MMP21: variants seen among roughly 807,000 people sequenced by gnomAD.
MMP21 encodes matrix metalloproteinase-21.
In MMP21, 40 loss-of-function variants were observed where a neutral mutation model predicts 47.8. The ratio of observed to expected loss-of-function variants is 0.84; its 90% confidence interval spans 0.65 to 1.09. The LOEUF is 1.09. Ranked by LOEUF, MMP21 falls within the 50% of genes least tolerant of loss-of-function variation. The pLI, the probability that MMP21 is intolerant of heterozygous loss-of-function variation, is 0.00. For missense variants in MMP21, 747 were observed against 775.3 expected (o/e 0.96, Z 0.43); for synonymous variants, 341 against 318.0 (o/e 1.07, Z -0.77).
Position 125,774,364 on chromosome 10 carries a change from C to A in MMP21, c.164G>T (p.Arg55Leu). Residue 55 changes from arginine to leucine, a missense_variant and splice_region_variant, in exon 2 of 7, where the codon CGG becomes CTG. By Grantham distance (102) the Arg-to-Leu change is moderately radical (BLOSUM62 -2). Coordinates refer to ENST00000368808, the MANE Select transcript of MMP21 (RefSeq NM_147191.1). ...TGACCAGCCGTATCTGGACAGGAAC[C>A]GCTGTGGGAGAGAAAGGCACCCTAA... Reference protein sequence around the residue: ...KPIADLHAAQRFLSRYGWSGV... With the variant: ...KPIADLHAAQLFLSRYGWSGV... 7.4e-7 allele frequency: 1 copy of A among 1,354,130 alleles called. No individual in the cohort carries two copies. Among genetic ancestry groups the A allele is most frequent in the South Asian group, 1.8e-5 (1 of 56,828 alleles). 83.9% of individuals were successfully genotyped at this position (1,354,130 alleles called of 1,614,324 possible). A position where few individuals can be genotyped will look rare whatever the true frequency, so the allele number is the denominator to read the frequency against.
At position 125,772,988 on chromosome 10, in the gene MMP21, G is replaced by C. The variant is rs1850470381; in HGVS notation, c.698-238C>G. On this transcript the variant is annotated intron_variant, in intron 2 of 6. Coordinates refer to ENST00000368808, the MANE Select transcript of MMP21 (RefSeq NM_147191.1). This position sits in a 1 kb window ranked among gnomAD's most constrained non-coding sequence, Gnocchi z 5.6. ...AAGTGCCTGGGAGCAGAGGGGAGCG[G>C]GGCTGGGTGAGAGCCCGGCTGGGGG... 6.6e-6 allele frequency among the ~76,000 whole-genome samples: 1 copy of C among 152,220 alleles called. No homozygotes were observed. Among genetic ancestry groups the C allele is most frequent in the African/African-American group, 2.4e-5 (1 of 41,458 alleles).
At chr10:125,771,141 C>T (rs1348524632) in intron 4 of MMP21, among the ~76,000 whole-genome samples, 1 of 152,126 alleles carries the variant, frequency 6.6e-6, no homozygotes, top group African/African-American at 2.4e-5. Flanking sequence ...TCACAGTGCC[C>T]CAGGCCACTC....
intron 5 of MMP21, 126 bp downstream of exon 5, chr10:125,770,208 G>C: frequency 2.0e-6 from 2 of 1,012,030 alleles, no homozygotes; most frequent in Non-Finnish European, 2.9e-6. Flanking sequence ...GTCTGATGGA[G>C]CAGACAGAAA....
intron 5 of MMP21, among the ~76,000 whole-genome samples, chr10:125,768,158 C>A (rs1157473895): frequency 6.6e-6 from 1 of 152,144 alleles, no homozygotes; most frequent in African/African-American, 2.4e-5. Flanking sequence ...AATCTAAGTT[C>A]TTTTTTTACT....
rs1213292242 is a variant in MMP21, at chr10:125,766,488, G to C, written c.*174C>G. The C allele has an allele frequency of 1.8e-6, 1 of 544,922 alleles. No individual in the cohort carries two copies. Among genetic ancestry groups the C allele is most frequent in the Non-Finnish European group, 3.1e-6 (1 of 321,598 alleles). The allele number at this position is 544,922 out of a possible 1,614,324, so 33.8% of individuals were successfully genotyped here. On this transcript the variant is annotated 3_prime_UTR_variant, in exon 7 of 7. Coordinates refer to ENST00000368808, the MANE Select transcript of MMP21 (RefSeq NM_147191.1). ...CCTTTTAGTTTATGAATTATGTTTT[G>C]CCTGAGCAATTGTTTTTAAATCAAG...
In MMP21 at chr10:125,770,492, C is replaced by T. The variant is rs17153524; in HGVS notation, c.1079G>A (p.Arg360His). ...TTCATAAAGCCAGTACCAGCTGTTA[C>T]GGAAGAAATATGTGCTAAATCTCAC... ...VMVRFSTYFF[R>H]NSWYWLYENR... Residue 360 changes from arginine (R) to histidine (H), a missense_variant, in exon 5 of 7, where the codon CGT becomes CAT. Transcript: ENST00000368808. 4.6e-5 allele frequency: 74 copies of T among 1,613,990 alleles called. No homozygotes were observed. Among genetic ancestry groups the T allele is most frequent in the Non-Finnish European group, 5.0e-5 (59 of 1,180,040 alleles).
At position 125,773,628 on chromosome 10, in the gene MMP21, C is replaced by T. The variant is rs1850477797; in HGVS notation, c.697+203G>A. ...GGGCCGGCCCTAGTGTCCCAGTAGG[C>T]CACACCAGGCTATCTGCAGGGTGAC... On this transcript the variant is annotated intron_variant, in intron 2 of 6. Coordinates refer to ENST00000368808, the MANE Select transcript of MMP21 (RefSeq NM_147191.1). This position sits in a 1 kb window ranked among gnomAD's most constrained non-coding sequence, Gnocchi z 4.8. Among the ~76,000 whole-genome samples the T allele has an allele frequency of 6.6e-6, 1 of 151,968 alleles. No individual in the cohort carries two copies. Among genetic ancestry groups the T allele is most frequent in the African/African-American group, 2.4e-5 (1 of 41,390 alleles).
chr10:125,770,233 A>T (rs1056083921), intron 5 of MMP21, 101 bp downstream of exon 5: 3 of 1,219,148 alleles, frequency 2.5e-6, no homozygotes, highest in Non-Finnish European at 3.5e-6. Flanking sequence ...GCAAGTAATG[A>T]CAAGAGCATT....
chr10:125,772,244 T>TC lies in MMP21; in HGVS notation c.952dup (p.Asp318GlyfsTer13). ...ATACAGCTTTTGAATTGCTTTCCTG[T>TC]CTGACCAGTCCAACTCAAAGGCAGG... On this transcript the variant is annotated frameshift_variant, in exon 4 of 7. Transcript: ENST00000368808. LOFTEE classifies it high-confidence loss of function. This position sits in a 1 kb window ranked among gnomAD's most constrained non-coding sequence, Gnocchi z 5.6. 6.2e-7 allele frequency: 1 copy of TC among 1,614,180 alleles called. No individual in the cohort carries two copies. The highest frequency in any genetic ancestry group is 8.5e-7 in the Non-Finnish European group (1 of 1,180,022).
chr10:125,770,644 T>G (rs1343960354), intron 4 of MMP21, 53 bp from the exon 5 acceptor site: 99 of 1,582,086 alleles, frequency 6.3e-5, no homozygotes, highest in Non-Finnish European at 8.1e-5. Flanking sequence ...GTGCAAAACT[T>G]ATATTTTCAT....
chr10:125,772,599 A>G lies in MMP21; in HGVS notation c.837+12T>C. On this transcript the variant is annotated intron_variant, in intron 3 of 6. Coordinates refer to ENST00000368808, the MANE Select transcript of MMP21 (RefSeq NM_147191.1). This position sits in a 1 kb window ranked among gnomAD's most constrained non-coding sequence, Gnocchi z 5.6. ...TGGTGTCTTATCAACACAGTGGCTC[A>G]GGACCACTGACCTTGAGAAGGCTGA... is the stretch of plus-strand genomic sequence containing the variant. The G allele has an allele frequency of 1.2e-6, 2 of 1,614,242 alleles. No individual in the cohort carries two copies. The highest frequency in any genetic ancestry group is 1.3e-5 in the African/African-American group (1 of 75,068).
rs1037041423 is a variant in MMP21, at chr10:125,772,528, C to T, written c.837+83G>A. On this transcript the variant is annotated intron_variant, in intron 3 of 6. Transcript: ENST00000368808. The surrounding 1 kb of genome is among the most constrained non-coding windows in gnomAD (Gnocchi z 5.6). ...ACCTCCTCAGAGGTTGCGGACACTACATGAGAAAAGCTTGGACTTTTTGGA... is the reference window on the plus strand; with the variant it reads ...ACCTCCTCAGAGGTTGCGGACACTATATGAGAAAAGCTTGGACTTTTTGGA... 6.2e-7 allele frequency: 1 copy of T among 1,601,640 alleles called. No individual in the cohort carries two copies. Among genetic ancestry groups the T allele is most frequent in the African/African-American group, 1.3e-5 (1 of 74,696 alleles).
At position 125,773,072 on chromosome 10, in the gene MMP21, T is replaced by C. The variant is rs1850472082; in HGVS notation, c.698-322A>G. Among the ~76,000 whole-genome samples, 1 of 152,208 alleles carries C rather than the reference T, an allele frequency of 6.6e-6. No homozygotes were observed. Among genetic ancestry groups the C allele is most frequent in the African/African-American group, 2.4e-5 (1 of 41,464 alleles). On this transcript the variant is annotated intron_variant, in intron 2 of 6. Transcript: ENST00000368808. This position sits in a 1 kb window ranked among gnomAD's most constrained non-coding sequence, Gnocchi z 4.8. ...AAGATCGGGGCCGGATCCTCGCCTC[T>C]GCGGAGGTCGTGAAATATTGAAAGC... is the stretch of plus-strand genomic sequence containing the variant.
intron 5 of MMP21, 34 bp downstream of exon 5, chr10:125,770,300 G>A (rs2133781926): frequency 1.9e-6 from 3 of 1,608,396 alleles, no homozygotes; most frequent in Non-Finnish European, 2.6e-6. Context: ...TTCGTTTAAT[G>A]AGAGAAATAG....
chr10:125,770,743 A>G (rs767267621), intron 4 of MMP21, 152 bp from the exon 5 acceptor site: 1 of 831,006 alleles, frequency 1.2e-6, no homozygotes, highest in Non-Finnish European at 1.8e-6. Context: ...AAGTGGGGCC[A>G]GGTGCAGTGG....
Position 125,767,609 on chromosome 10 carries a change from G to A in MMP21, c.1333C>T (p.Pro445Ser), listed in dbSNP as rs1466901281. The change falls in exon 6 of 7, where the codon CCT (proline) becomes TCT (serine). Residue 445 changes from proline (P) to serine (S), a missense_variant. Pro to Ser is a moderately conservative substitution (Grantham distance 74). Transcript: ENST00000368808. ...SYPKLISEGF[P>S]GIPSPLDTAF... is the part of the protein sequence containing the mutation. ...GTGTCTAGGGGACTTGGGATGCCAG[G>A]AAATCCTTCTGAAATCAATTTGGGA... is the stretch of plus-strand genomic sequence containing the variant. The A allele has an allele frequency of 1.2e-6, 2 of 1,614,064 alleles. No individual in the cohort carries two copies. The highest frequency in any genetic ancestry group is 8.5e-7 in the Non-Finnish European group (1 of 1,180,040).
rs1469512486 is a variant in MMP21 at position 125,772,377 on chromosome 10, C to A, written c.838-18G>T. ...ACGGCCACCTAGAAGGGGACACACA[C>A]CATGGGTGCTGGGTGAAGCCTGGGC... On this transcript the variant is annotated intron_variant, in intron 3 of 6. Coordinates refer to ENST00000368808, the MANE Select transcript of MMP21 (RefSeq NM_147191.1). The surrounding 1 kb of genome is among the most constrained non-coding windows in gnomAD (Gnocchi z 5.6). 1.9e-6 allele frequency: 3 copies of A among 1,613,716 alleles called. No homozygotes were observed. Among genetic ancestry groups the A allele is most frequent in the Non-Finnish European group, 8.5e-7 (1 of 1,179,882 alleles).
chr10:125,772,177 G>A lies in MMP21; in HGVS notation c.979+41C>T. 6.2e-7 allele frequency: 1 copy of A among 1,611,150 alleles called. No individual in the cohort carries two copies. The highest frequency in any genetic ancestry group is 8.5e-7 in the Non-Finnish European group (1 of 1,177,990). On this transcript the variant is annotated intron_variant, in intron 4 of 6. Transcript: ENST00000368808. This position sits in a 1 kb window ranked among gnomAD's most constrained non-coding sequence, Gnocchi z 5.6. ...GTCCTACAGTGCTCTGGAATACAGTGTCCTCCGCTAGCTCAGGGATGCCCT... is the reference window on the plus strand; with the variant it reads ...GTCCTACAGTGCTCTGGAATACAGTATCCTCCGCTAGCTCAGGGATGCCCT...
chr10:125,772,812 C>T lies in MMP21; in HGVS notation c.698-62G>A. 2 of 1,578,464 alleles carry T rather than the reference C, an allele frequency of 1.3e-6. No homozygotes were observed. The highest frequency in any genetic ancestry group is 1.1e-5 in the South Asian group (1 of 88,988). On this transcript the variant is annotated intron_variant, in intron 2 of 6. Coordinates refer to ENST00000368808, the MANE Select transcript of MMP21 (RefSeq NM_147191.1). This position sits in a 1 kb window ranked among gnomAD's most constrained non-coding sequence, Gnocchi z 5.6. The stretch of plus-strand genomic sequence containing the variant: ...ATGAGTGCCCCCCATACAGACTCCT[C>T]ACCTAGGGGGTCCCCAGCCTCCAGG...
Sources: allele counts gnomAD v4.1 joint callset (sites outside exome capture counted in the v4.1 genomes callset), GRCh38; gene constraint gnomAD v4.1.1; non-coding constraint Gnocchi (gnomAD v3.1); transcripts MANE v1.5; gene names NCBI Gene and HGNC (gene_info 2026-07-23, HGNC 2026-07-21).